Variants in WDR26 observed in about 807,000 individuals in gnomAD.
WDR26 encodes WD repeat domain 26, also known as WD repeat-containing protein 26.
Under a neutral mutation model 84.1 loss-of-function variants are expected in WDR26, and 5 were observed. The observed-to-expected ratio is 0.06, with a 90% CI of 0.03 to 0.13. The LOEUF is 0.13. Ranked by LOEUF, WDR26 falls within the 10% of genes least tolerant of loss-of-function variation. WDR26 has a pLI of 1.00. For missense variants in WDR26, 642 were observed against 974.9 expected, an observed-to-expected ratio of 0.66 and a Z score of 4.55; for synonymous variants, 415 against 389.6, an observed-to-expected ratio of 1.07 and a Z score of -0.77.
At chr1:224,433,621 T>TCCCCCCC in intron 1 of WDR26, 63 bp downstream of exon 1, 1 of 632,430 alleles carries the variant, frequency 1.6e-6, no homozygotes, top group Non-Finnish European at 2.0e-6. Context: ...CCCCTTCCCC[T>TCCCCCCC]ACCCCCCTGG....
chr1:224,405,631 A>G (rs1184576464), intron 7 of WDR26, among the ~76,000 whole-genome samples: 1 of 152,184 alleles, frequency 6.6e-6, no homozygotes, highest in Non-Finnish European at 1.5e-5. Context: ...ACCCCCTCTC[A>G]TATTATAGGG....
chr1:224,389,066 T>G lies in WDR26; in HGVS notation c.*769A>C. 6.6e-6 allele frequency: 1 copy of G among 152,658 alleles called. No homozygotes were observed. The highest frequency in any genetic ancestry group is 2.1e-4 in the South Asian group (1 of 4,836). 9.5% of individuals were successfully genotyped at this position (152,658 alleles called of 1,614,324 possible). A position where few individuals can be genotyped will look rare whatever the true frequency, so the allele number is the denominator to read the frequency against. On this transcript the variant is annotated 3_prime_UTR_variant, in exon 14 of 14. Coordinates refer to ENST00000414423, the MANE Select transcript of WDR26 (RefSeq NM_001379403.1). ...AGAAGAGCATCAGTTATACTGTGTATCTAAGTCATTGAGGAAACTGTTTTT... is the reference window on the plus strand; with the variant it reads ...AGAAGAGCATCAGTTATACTGTGTAGCTAAGTCATTGAGGAAACTGTTTTT...
At chr1:224,429,197 G>A (rs1375051649) in intron 3 of WDR26, 1 of 151,656 alleles carries the variant, frequency 6.6e-6, no homozygotes, top group African/African-American at 2.4e-5. Flanking sequence ...GGGAGGCGAG[G>A]TTGCAGTGAG....
Position 224,424,557 on chromosome 1 carries a change from G to A in WDR26, c.1025C>T (p.Pro342Leu), listed in dbSNP as rs1417677519. 3 of 1,613,926 alleles carry A rather than the reference G, an allele frequency of 1.9e-6. No individual in the cohort carries two copies. Among genetic ancestry groups the A allele is most frequent in the Admixed American group, 1.7e-5 (1 of 60,002 alleles). ...AATGCGCTCTGTATTGTATTTCAGC[G>A]GCGTCAATTCACAGCGTAGAACTTG... The change falls in exon 4 of 14, where the codon CCG becomes CTG. Residue 342 changes from proline (P) to leucine (L), a missense_variant. Transcript: ENST00000414423.
intron 7 of WDR26, among the ~76,000 whole-genome samples, chr1:224,410,686 CTTTCTT>C (rs1247729578): frequency 7.4e-6 from 1 of 134,746 alleles, no homozygotes; most frequent in African/African-American, 3.0e-5. Context: ...TTGTATTAAT[CTTTCTT>C]TCTTTTTTTT....
At chr1:224,404,042 C>T (rs2405048) in intron 8 of WDR26, among the ~76,000 whole-genome samples, 148,540 of 152,332 alleles carry the variant, frequency 0.98, 72,532 homozygotes, top group East Asian at 1. Flanking sequence ...TAAATATAGG[C>T]AAGGAGATGG....
At chr1:224,396,387 C>G (rs930204838) in intron 12 of WDR26, among the ~76,000 whole-genome samples, 26 of 152,014 alleles carry the variant, frequency 1.7e-4, no homozygotes, top group African/African-American at 6.3e-4. Context: ...TTGAATAGAC[C>G]ATGGAAGAAG....
intron 6 of WDR26, among the ~76,000 whole-genome samples, chr1:224,416,968 T>C (rs1366710220): frequency 6.6e-6 from 1 of 152,140 alleles, no homozygotes; most frequent in African/African-American, 2.4e-5. Flanking sequence ...GGGGAAAAAA[T>C]TTCTAATCAC....
Position 224,418,431 on chromosome 1 carries a change from A to G in WDR26, c.1163-15T>C. The G allele has an allele frequency of 6.3e-7, 1 of 1,578,420 alleles. No homozygotes were observed. The highest frequency in any genetic ancestry group is 8.6e-7 in the Non-Finnish European group (1 of 1,167,694). On this transcript the variant is annotated splice_polypyrimidine_tract_variant and intron_variant, in intron 5 of 13. Coordinates refer to ENST00000414423, the MANE Select transcript of WDR26 (RefSeq NM_001379403.1). The stretch of plus-strand genomic sequence containing the variant: ...TGGTAAATAGGCTTTAATAGAAGAT[A>G]TTTTAAAAAAGAGAAATAATAATAA...
At position 224,411,453 on chromosome 1, in the gene WDR26, T is replaced by C; in HGVS notation, c.1432A>G (p.Thr478Ala). Reference sequence around the variant, plus strand: ...GGATCAACTTGCCATATGATAACTGTTGTATCTTTTGATCCTGTTGCTAGT... The same window carrying C: ...GGATCAACTTGCCATATGATAACTGCTGTATCTTTTGATCCTGTTGCTAGT... The change falls in exon 7 of 14, where the codon ACA becomes GCA. Residue 478 changes from threonine to alanine, a missense_variant. By Grantham distance (58) the Thr-to-Ala change is moderately conservative (BLOSUM62 0). Transcript: ENST00000414423. The C allele has an allele frequency of 6.2e-7, 1 of 1,613,084 alleles. No homozygotes were observed. The highest frequency in any genetic ancestry group is 1.1e-5 in the South Asian group (1 of 90,718).
In WDR26 at chr1:224,388,206, TCTC is replaced by T. The variant is rs1337451315; in HGVS notation, c.*1626_*1628del. 1.3e-5 allele frequency: 2 copies of T among 152,212 alleles called. No homozygotes were observed. Among genetic ancestry groups the T allele is most frequent in the African/African-American group, 4.8e-5 (2 of 41,440 alleles). 9.4% of individuals were successfully genotyped at this position (152,212 alleles called of 1,614,324 possible). A position where few individuals can be genotyped will look rare whatever the true frequency, so the allele number is the denominator to read the frequency against. ...AGAATTTTTGACATCCAAGCCCTCTTCTCTTTGTGGATTCTGGAGTCTATTCAT... is the reference window on the plus strand; with the variant it reads ...AGAATTTTTGACATCCAAGCCCTCTTTTTGTGGATTCTGGAGTCTATTCAT... On this transcript the variant is annotated 3_prime_UTR_variant, in exon 14 of 14. Transcript: ENST00000414423.
At chr1:224,416,057 T>A (rs1325485143) in intron 6 of WDR26, among the ~76,000 whole-genome samples, 1 of 152,050 alleles carries the variant, frequency 6.6e-6, no homozygotes, top group Non-Finnish European at 1.5e-5. Flanking sequence ...TAGTAGGCAA[T>A]GATTTCAAGA....
intron 3 of WDR26, among the ~76,000 whole-genome samples, chr1:224,428,895 A>G (rs1309864666): frequency 7.1e-6 from 1 of 140,022 alleles, no homozygotes; most frequent in African/African-American, 2.8e-5. Context: ...AATAAGAGAA[A>G]CTCCATCTCA....
chr1:224,394,630 G>A (rs1388673620), intron 12 of WDR26, among the ~76,000 whole-genome samples: 1 of 151,632 alleles, frequency 6.6e-6, no homozygotes, highest in Non-Finnish European at 1.5e-5. Context: ...TCAGCCTCCC[G>A]AGTAGCTGGG....
intron 6 of WDR26, among the ~76,000 whole-genome samples, chr1:224,412,519 T>C (rs1416068638): frequency 6.6e-6 from 1 of 152,258 alleles, no homozygotes; most frequent in African/African-American, 2.4e-5. Context: ...GACACTTAGC[T>C]AGTACCTCAT....
At chr1:224,400,901 A>G in intron 9 of WDR26, 49 bp downstream of exon 9, 5 of 1,597,010 alleles carry the variant, frequency 3.1e-6, no homozygotes, top group Non-Finnish European at 4.3e-6. Flanking sequence ...ACAAAAGTAC[A>G]TTTGCTTTTA....
intron 8 of WDR26, among the ~76,000 whole-genome samples, chr1:224,401,696 A>AAAAAGG (rs1673423586): frequency 1.2e-5 from 1 of 82,180 alleles, no homozygotes; most frequent in African/African-American, 4.9e-5. Flanking sequence ...AAAAGAAAAA[A>AAAAAGG]AAAAAGAAAA....
Position 224,424,695 on chromosome 1 carries a change from T to C in WDR26, c.928-41A>G, listed in dbSNP as rs756390996. ...GCAGCAGTCAGGGGAAAAAAGTTGA[T>C]GGAAGTTTCAGAAAATGTTTGTGCC... On this transcript the variant is annotated intron_variant, in intron 3 of 13. Coordinates refer to ENST00000414423, the MANE Select transcript of WDR26 (RefSeq NM_001379403.1). 2.7e-5 allele frequency: 43 copies of C among 1,613,514 alleles called. No homozygotes were observed. The Admixed American group carries it at 6.3e-4, about 24-fold the overall frequency.
At chr1:224,406,133 T>C (rs1439133236) in intron 7 of WDR26, among the ~76,000 whole-genome samples, 3 of 152,172 alleles carry the variant, frequency 2.0e-5, no homozygotes, top group Non-Finnish European at 4.4e-5. Flanking sequence ...GGAGGACTGC[T>C]TGAGTCCAGG....
Sources: gnomAD v4.1 joint callset for allele counts (sites outside exome capture counted in the v4.1 genomes callset) on GRCh38, gnomAD v4.1.1 for gene constraint, MANE v1.5 for transcripts, NCBI Gene and HGNC (gene_info 2026-07-23, HGNC 2026-07-21) for gene names.